The following SFMBT2 variants were observed in gnomAD, a reference collection of about 807,000 sequenced individuals.
The protein encoded by SFMBT2 is scm-like with four MBT domains protein 2.
A neutral mutation model predicts 110.1 loss-of-function variants in SFMBT2; 38 were observed. The observed-to-expected ratio is 0.35, with a 90% CI of 0.27 to 0.45. The LOEUF is 0.45. Among genes scored for constraint, SFMBT2 ranks in the 20% least tolerant of loss-of-function variants. The probability of loss-of-function intolerance (pLI) is 1.00; values close to 1 mark genes in which losing one functional copy is unlikely to be tolerated. For missense variants in SFMBT2, 1,011 were observed against 1,094.9 expected, an observed-to-expected ratio of 0.92 and a Z score of 1.08; for synonymous variants, 425 against 425.4, an observed-to-expected ratio of 1.00 and a Z score of 0.01.
intron 4 of SFMBT2, among the ~76,000 whole-genome samples, chr10:7,326,523 A>C (rs1843388828): frequency 6.6e-6 from 1 of 152,234 alleles, no homozygotes; most frequent in Admixed American, 6.5e-5. Flanking sequence ...TTCGTCTCTG[A>C]AATCAGCTTA....
chr10:7,328,865 T>C (rs1444340767), intron 4 of SFMBT2, among the ~76,000 whole-genome samples: 3 of 152,206 alleles, frequency 2.0e-5, no homozygotes, highest in African/African-American at 7.2e-5. Flanking sequence ...TTGCAGCCTC[T>C]CAAGACTGGG....
chr10:7,207,494 G>A, intron 11 of SFMBT2: 3 of 26,730 alleles, frequency 1.1e-4, no homozygotes, highest in Non-Finnish European at 2.0e-4. Context: ...AGGAAGGAAG[G>A]AAAGGGAGGA....
intron 16 of SFMBT2, among the ~76,000 whole-genome samples, chr10:7,179,261 T>C (rs1406567297): frequency 1.3e-5 from 2 of 151,926 alleles, no homozygotes; most frequent in Non-Finnish European, 2.9e-5. Flanking sequence ...CCTACAGCCT[T>C]GAATGGCTGT....
intron 11 of SFMBT2, 198 bp from the exon 12 acceptor site, chr10:7,206,126 T>C: frequency 1.0e-6 from 1 of 985,298 alleles, no homozygotes; most frequent in Non-Finnish European, 1.2e-6. Flanking sequence ...CAAAACTCCT[T>C]GAAATATAAA....
rs901053833 is a variant in SFMBT2, at chr10:7,162,685, A to T, written c.*1085T>A. The T allele has an allele frequency of 5.3e-5, 8 of 152,172 alleles. No individual in the cohort carries two copies. The highest frequency in any genetic ancestry group is 1.9e-4 in the African/African-American group (8 of 41,416). The allele number at this position is 152,172 out of a possible 1,614,324, so 9.4% of individuals were successfully genotyped here. On this transcript the variant is annotated 3_prime_UTR_variant, in exon 21 of 21. Transcript: ENST00000397167. ...CTTTTCCTTTGATATATAATCCAAC[A>T]TTTGCCTAAAAGACTCACTCCCTGA...
Position 7,284,702 on chromosome 10 carries a change from T to G in SFMBT2, c.526-552A>C, listed in dbSNP as rs143822863. The G allele has an allele frequency of 1.8e-3, 427 of 241,734 alleles. 1 individual carries two copies. The highest frequency in any genetic ancestry group is 6.6e-3 in the Middle Eastern group (3 of 452). The allele number at this position is 241,734 out of a possible 1,614,324, so 15.0% of individuals were successfully genotyped here. On this transcript the variant is annotated intron_variant, in intron 5 of 20. Coordinates refer to ENST00000397167, the MANE Select transcript of SFMBT2 (RefSeq NM_001387889.1). ...CAATGACATGTCTAACACACAGTAA[T>G]GATCAGCTAAATTAGACTACTATGT...
At chr10:7,195,238 A>G (rs1838730895) in intron 15 of SFMBT2, among the ~76,000 whole-genome samples, 1 of 152,088 alleles carries the variant, frequency 6.6e-6, no homozygotes, top group Non-Finnish European at 1.5e-5. Flanking sequence ...TCCTGGCTTG[A>G]TTTCTGTTTG....
At chr10:7,387,563 G>C (rs796247469) in intron 1 of SFMBT2, among the ~76,000 whole-genome samples, 6 of 152,126 alleles carry the variant, frequency 3.9e-5, no homozygotes, top group African/African-American at 1.4e-4. Context: ...GGGTGGGCCG[G>C]GGGGTGCATC....
At chr10:7,357,720 T>C (rs1844564342) in intron 4 of SFMBT2, among the ~76,000 whole-genome samples, 1 of 152,228 alleles carries the variant, frequency 6.6e-6, no homozygotes, top group Admixed American at 6.5e-5. Context: ...TCCCAAGACT[T>C]TGAACTGAAG....
intron 16 of SFMBT2, 92 bp downstream of exon 16, chr10:7,188,532 C>G: frequency 1.0e-6 from 1 of 959,566 alleles, no homozygotes; most frequent in Non-Finnish European, 1.6e-6. Flanking sequence ...TTCCATTTCT[C>G]AGGGCTGTGT....
chr10:7,370,259 A>G (rs1375538613), intron 3 of SFMBT2, 22 bp downstream of exon 3: 1 of 1,600,550 alleles, frequency 6.2e-7, no homozygotes. Context: ...GACACAGAGA[A>G]GACACAAGCT....
At chr10:7,362,544 G>T (rs566275728) in intron 4 of SFMBT2, among the ~76,000 whole-genome samples, 27 of 152,324 alleles carry the variant, frequency 1.8e-4, no homozygotes, top group African/African-American at 6.0e-4. Context: ...ATCCCAAAGT[G>T]TCCTCGAAGA....
intron 7 of SFMBT2, among the ~76,000 whole-genome samples, chr10:7,271,584 G>C (rs1376826382): frequency 6.6e-6 from 1 of 152,168 alleles, no homozygotes; most frequent in Admixed American, 6.5e-5. Context: ...GGGGTCCAGG[G>C]AAGGATTCCT....
intron 14 of SFMBT2, among the ~76,000 whole-genome samples, chr10:7,199,627 T>C (rs1383927271): frequency 6.6e-6 from 1 of 152,160 alleles, no homozygotes; most frequent in Non-Finnish European, 1.5e-5. Flanking sequence ...AATAATGAAG[T>C]CCACAGCTGC....
chr10:7,253,782 G>T (rs1348863291), intron 7 of SFMBT2, among the ~76,000 whole-genome samples: 2 of 138,974 alleles, frequency 1.4e-5, no homozygotes, highest in African/African-American at 5.4e-5. Context: ...GTATCTTCCA[G>T]CCCTAACTTT....
intron 11 of SFMBT2, among the ~76,000 whole-genome samples, chr10:7,218,699 C>G (rs1839622472): frequency 6.6e-6 from 1 of 152,130 alleles, no homozygotes. Context: ...AATCTGTATT[C>G]AAAGAGAACA....
intron 4 of SFMBT2, among the ~76,000 whole-genome samples, chr10:7,343,090 A>G (rs1181652695): frequency 6.6e-6 from 1 of 151,894 alleles, no homozygotes; most frequent in African/African-American, 2.4e-5. Flanking sequence ...CTTTATGTCC[A>G]TTTGTACTCA....
intron 11 of SFMBT2, chr10:7,206,229 A>G (rs1839132821): frequency 1.0e-6 from 1 of 985,338 alleles, no homozygotes; most frequent in Non-Finnish European, 1.2e-6. Flanking sequence ...GGACCGTAGG[A>G]AAAGATTGGC....
intron 4 of SFMBT2, among the ~76,000 whole-genome samples, chr10:7,288,612 A>G (rs2131852288): frequency 6.6e-6 from 1 of 152,350 alleles, no homozygotes; most frequent in Non-Finnish European, 1.5e-5. Context: ...TACAAGCCAA[A>G]TGAACTAAAA....
Sources: gnomAD v4.1 joint callset for allele counts (sites outside exome capture counted in the v4.1 genomes callset) on GRCh38, gnomAD v4.1.1 for gene constraint, MANE v1.5 for transcripts, NCBI Gene and HGNC (gene_info 2026-07-23, HGNC 2026-07-21) for gene names.